The following SMG7 variants were observed in gnomAD, a reference collection of about 807,000 sequenced individuals.
SMG7 encodes the protein SMG7 nonsense mediated mRNA decay factor.
In SMG7, 34 loss-of-function variants were observed where a neutral mutation model predicts 148.2. The observed-to-expected ratio is 0.23, with a 90% CI of 0.17 to 0.31. The LOEUF (loss-of-function observed/expected upper bound fraction) is 0.31. Among genes scored for constraint, SMG7 ranks in the 10% least tolerant of loss-of-function variants. The pLI is 1.00. For synonymous variants in SMG7, 492 were observed against 515.1 expected (o/e 0.96, Z 0.61); for missense variants, 1,114 against 1,408.4 (o/e 0.79, Z 3.35).
intron 10 of SMG7, among the ~76,000 whole-genome samples, chr1:183,536,488 A>G (rs982911861): frequency 3.9e-5 from 6 of 152,148 alleles, no homozygotes; most frequent in Non-Finnish European, 8.8e-5. Context: ...CTGTATCCAT[A>G]ATGGAAACTT....
intron 1 of SMG7, among the ~76,000 whole-genome samples, chr1:183,481,771 G>C (rs901271920): frequency 6.6e-6 from 1 of 152,136 alleles, no homozygotes; most frequent in Non-Finnish European, 1.5e-5. Context: ...AACTTTTCCT[G>C]CATAGGAGGT....
chr1:183,552,819 G>A lies in SMG7; in HGVS notation c.*888G>A. 3 of 1,430,598 alleles carry A rather than the reference G, an allele frequency of 2.1e-6. No homozygotes were observed. The highest frequency in any genetic ancestry group is 2.7e-6 in the Non-Finnish European group (3 of 1,096,850). 88.6% of individuals were successfully genotyped at this position (1,430,598 alleles called of 1,614,324 possible). A position where few individuals can be genotyped will look rare whatever the true frequency, so the allele number is the denominator to read the frequency against. On this transcript the variant is annotated 3_prime_UTR_variant, in exon 23 of 23. Transcript: ENST00000688051. ...TTCACAGCCTGACACGTTCTAATAG[G>A]TAGAAGCTTTCAGTGTGGTTATTTT...
At chr1:183,509,231 A>G (rs1661624560) in intron 1 of SMG7, among the ~76,000 whole-genome samples, 1 of 152,234 alleles carries the variant, frequency 6.6e-6, no homozygotes. Flanking sequence ...ATTCGAGTAT[A>G]AAATTTATTT....
intron 10 of SMG7, among the ~76,000 whole-genome samples, chr1:183,535,147 A>G (rs1017226465): frequency 6.6e-6 from 1 of 152,212 alleles, no homozygotes; most frequent in Admixed American, 6.5e-5. Context: ...CAGTAATGTT[A>G]CAAAAGAAGA....
chr1:183,482,849 G>C (rs1269037769), intron 1 of SMG7, among the ~76,000 whole-genome samples: 1 of 152,134 alleles, frequency 6.6e-6, no homozygotes. Context: ...TCTGAAAACA[G>C]CTTTGGGCTA....
At chr1:183,484,450 A>G (rs1238236541) in intron 1 of SMG7, among the ~76,000 whole-genome samples, 1 of 150,920 alleles carries the variant, frequency 6.6e-6, no homozygotes, top group African/African-American at 2.4e-5. Flanking sequence ...AATAACCCTC[A>G]TGCTTTCTGC....
chr1:183,544,949 T>C lies in SMG7; in HGVS notation c.2007T>C (p.Tyr669=). 1.9e-6 allele frequency: 3 copies of C among 1,613,578 alleles called. No individual in the cohort carries two copies. The highest frequency in any genetic ancestry group is 1.7e-4 in the Middle Eastern group (1 of 6,052). Residue 669 remains tyrosine (Y), a synonymous_variant, in exon 16 of 23, where the codon TAT becomes TAC. Coordinates refer to ENST00000688051, the MANE Select transcript of SMG7 (RefSeq NM_001375584.1). The part of the protein sequence containing the change: ...PSRPGFPPPT[Y]VIPPPVAFSM... ...TTGAAGGGTTTCCGCCCCCAACATA[T>C]GTTATCCCCCCGCCTGTGGCATTTT...
chr1:183,524,144 A>T (rs1314094032), intron 4 of SMG7, among the ~76,000 whole-genome samples: 1 of 151,688 alleles, frequency 6.6e-6, no homozygotes, highest in Non-Finnish European at 1.5e-5. Context: ...AGTGCAGTGT[A>T]TATCATAGCT....
intron 3 of SMG7, among the ~76,000 whole-genome samples, chr1:183,516,936 T>C (rs926423074): frequency 2.0e-5 from 3 of 152,224 alleles, no homozygotes; most frequent in African/African-American, 4.8e-5. Context: ...GTAAACCTCT[T>C]ATCTGTGTTT....
intron 2 of SMG7, chr1:183,513,369 C>CTTTTTTT (rs1224170251): frequency 4.9e-5 from 6 of 122,704 alleles, no homozygotes; most frequent in African/African-American, 1.6e-4. Flanking sequence ...ATCTTTGTTA[C>CTTTTTTT]TTTTTTTTTT....
At chr1:183,549,356 G>C in intron 19 of SMG7, 68 bp downstream of exon 19, 2 of 1,083,700 alleles carry the variant, frequency 1.8e-6, no homozygotes, top group South Asian at 1.3e-5. Flanking sequence ...TTCTCATACT[G>C]TTTCAGTATG....
chr1:183,536,851 T>G (rs933115781), intron 10 of SMG7, among the ~76,000 whole-genome samples: 2 of 152,202 alleles, frequency 1.3e-5, no homozygotes, highest in Non-Finnish European at 2.9e-5. Flanking sequence ...TATTTCAGTT[T>G]TCCATGTTTA....
At chr1:183,532,316 G>T (rs74129811) in intron 8 of SMG7, among the ~76,000 whole-genome samples, 2,147 of 152,284 alleles carry the variant, frequency 0.014, 54 homozygotes, top group African/African-American at 0.048. Flanking sequence ...CATAGAGGAA[G>T]ACTGGCTATG....
chr1:183,549,711 C>T, intron 19 of SMG7, 53 bp from the exon 20 acceptor site: 3 of 1,489,096 alleles, frequency 2.0e-6, no homozygotes, highest in Non-Finnish European at 2.8e-6. Flanking sequence ...ATTGGATTTT[C>T]TCAAATCTCT....
chr1:183,517,584 C>T (rs780607504), intron 3 of SMG7, 104 bp from the exon 4 acceptor site: 6 of 1,046,008 alleles, frequency 5.7e-6, no homozygotes, highest in Middle Eastern at 2.0e-4. Flanking sequence ...TTTACTGTCT[C>T]GTGTGGTATA....
intron 1 of SMG7, among the ~76,000 whole-genome samples, chr1:183,475,186 C>T (rs1651846265): frequency 6.6e-6 from 1 of 152,070 alleles, no homozygotes; most frequent in Non-Finnish European, 1.5e-5. Context: ...AAGTTGAGAA[C>T]ATAATATATT....
chr1:183,494,429 A>T (rs1043638242), intron 1 of SMG7, among the ~76,000 whole-genome samples: 1 of 150,680 alleles, frequency 6.6e-6, no homozygotes, highest in Non-Finnish European at 1.5e-5. Flanking sequence ...AAGAGAAAAA[A>T]GTTATTTTAT....
At chr1:183,529,783 GA>G (rs1176944913) in intron 8 of SMG7, among the ~76,000 whole-genome samples, 2 of 151,970 alleles carry the variant, frequency 1.3e-5, no homozygotes, top group Non-Finnish European at 2.9e-5. Flanking sequence ...TATCAAAGTG[GA>G]AAAAAATAAA....
intron 1 of SMG7, among the ~76,000 whole-genome samples, chr1:183,498,806 G>A (rs1659127197): frequency 6.6e-6 from 1 of 152,146 alleles, no homozygotes; most frequent in African/African-American, 2.4e-5. Context: ...TCTTGGTGTT[G>A]TACACTCTGT....
Sources: gnomAD v4.1 joint callset for allele counts (sites outside exome capture counted in the v4.1 genomes callset) on GRCh38, gnomAD v4.1.1 for gene constraint, MANE v1.5 for transcripts, NCBI Gene and HGNC (gene_info 2026-07-23, HGNC 2026-07-21) for gene names.